The following NTNG2 variants were observed in gnomAD, a reference collection of about 807,000 sequenced individuals.
NTNG2 encodes the protein netrin-G2.
A neutral mutation model predicts 47.6 loss-of-function variants in NTNG2; 15 were observed. That is an observed-to-expected ratio of 0.32 (90% CI 0.21 to 0.49). The LOEUF (loss-of-function observed/expected upper bound fraction) is 0.49, where lower values mean the gene tolerates loss of function less well. NTNG2 is among the 20% of genes least tolerant of loss of function. NTNG2 has a pLI of 0.99. For missense variants in NTNG2, 578 were observed against 764.6 expected (o/e 0.76, Z 2.88); for synonymous variants, 307 against 324.6 (o/e 0.95, Z 0.58).
intron 2 of NTNG2, among the ~76,000 whole-genome samples, chr9:132,196,167 T>G (rs1165458370): frequency 1.3e-5 from 2 of 152,164 alleles, no homozygotes; most frequent in South Asian, 2.1e-4. Flanking sequence ...TGGGTTTTTT[T>G]GTTTGTTTTG....
intron 2 of NTNG2, among the ~76,000 whole-genome samples, chr9:132,189,312 G>C (rs1210103577): frequency 1.3e-5 from 2 of 151,688 alleles, no homozygotes; most frequent in Non-Finnish European, 2.9e-5. Flanking sequence ...TGGCCTCATG[G>C]GAGCTTTCAT....
At chr9:132,207,378 G>A (rs2130799612) in intron 3 of NTNG2, among the ~76,000 whole-genome samples, 1 of 152,276 alleles carries the variant, frequency 6.6e-6, no homozygotes, top group South Asian at 2.1e-4. Flanking sequence ...CTCGCTCCTG[G>A]TGGGGCCGGC....
At chr9:132,228,238 G>A (rs994242133) in intron 4 of NTNG2, among the ~76,000 whole-genome samples, 6 of 152,264 alleles carry the variant, frequency 3.9e-5, no homozygotes, top group African/African-American at 7.2e-5. Context: ...CACGTGCAGA[G>A]GCCATGACAG....
At chr9:132,193,240 C>A (rs73561561) in intron 2 of NTNG2, among the ~76,000 whole-genome samples, 2,049 of 152,278 alleles carry the variant, frequency 0.013, 47 homozygotes, top group African/African-American at 0.047. Context: ...ATATCACTGT[C>A]ATTTTATTAA....
chr9:132,197,116 G>A lies in NTNG2; in HGVS notation c.214-850G>A, dbSNP rs184612750. Among the ~76,000 whole-genome samples, 571 of 152,268 alleles carry A rather than the reference G, an allele frequency of 3.7e-3. 7 individuals carry two copies. Among genetic ancestry groups the A allele is most frequent in the African/African-American group, 0.013 (545 of 41,542 alleles). ...AGGTAAAAAGGCTCAGGGGCCGGGC[G>A]CAGTGGCTCACGTCTGCAATCCCAG... On this transcript the variant is annotated intron_variant, in intron 2 of 7. Coordinates refer to ENST00000393229, the MANE Select transcript of NTNG2 (RefSeq NM_032536.4). This position sits in a 1 kb window ranked among gnomAD's most constrained non-coding sequence, Gnocchi z 4.3.
rs1359522158 is a variant in NTNG2 at position 132,221,678 on chromosome 9, G to A, written c.858-5171G>A. ...CCGAGGAAGACAGGACTGATAGGAG[G>A]GGCTGGCCAGGATGGAGCCTGGGCA... On this transcript the variant is annotated intron_variant, in intron 3 of 7. Coordinates refer to ENST00000393229, the MANE Select transcript of NTNG2 (RefSeq NM_032536.4). The surrounding 1 kb of genome is among the most constrained non-coding windows in gnomAD (Gnocchi z 4.2). Among the ~76,000 whole-genome samples the A allele has an allele frequency of 6.6e-6, 1 of 152,148 alleles. No individual in the cohort carries two copies. The highest frequency in any genetic ancestry group is 1.9e-4 in the East Asian group (1 of 5,186).
Position 132,198,175 on chromosome 9 carries a change from C to T in NTNG2, c.423C>T (p.Phe141=). The change falls in exon 3 of 8, where the codon TTC becomes TTT. Residue 141 remains phenylalanine, a synonymous_variant. Transcript: ENST00000393229. ...VELTDDVVMT[F]EYGRPTVMVL... The stretch of plus-strand genomic sequence containing the variant: ...TGACCGACGACGTGGTGATGACCTT[C>T]GAGTACGGCCGGCCCACGGTCATGG... 6.2e-7 allele frequency: 1 copy of T among 1,613,588 alleles called. No homozygotes were observed. Among genetic ancestry groups the T allele is most frequent in the Non-Finnish European group, 8.5e-7 (1 of 1,180,022 alleles).
At chr9:132,190,232 CAAAAAAAAAAAAAA>C (rs58974463) in intron 2 of NTNG2, among the ~76,000 whole-genome samples, 3 of 69,928 alleles carry the variant, frequency 4.3e-5, no homozygotes, top group Admixed American at 1.8e-4. Flanking sequence ...GACTCCATCT[CAAAAAAAAAAAAAA>C]AAAAAAAAAA....
In NTNG2 at chr9:132,239,071, A is replaced by G. The variant is rs185681661; in HGVS notation, c.1055-33A>G. The G allele has an allele frequency of 1.7e-3, 2,736 of 1,603,024 alleles. 3 individuals carry two copies. Among genetic ancestry groups the G allele is most frequent in the Non-Finnish European group, 2.2e-3 (2,628 of 1,171,084 alleles). On this transcript the variant is annotated intron_variant, in intron 5 of 7. Transcript: ENST00000393229. ...CCTCAGTTTCCCTGAATGCTCGCTG[A>G]CCATTGGTATTTCTCCCACTTGGCC... is the stretch of plus-strand genomic sequence containing the variant.
rs1490027690 is a variant in NTNG2, at chr9:132,166,823, T to G, written c.-9T>G. On this transcript the variant is annotated 5_prime_UTR_variant, in exon 2 of 8. Coordinates refer to ENST00000393229, the MANE Select transcript of NTNG2 (RefSeq NM_032536.4). ...TTCTCTGGGCCGCGCCTCTGCAGAC[T>G]GCGCAGCCATGCTGCATCTGCTGGC... is the stretch of plus-strand genomic sequence containing the variant. 1 of 1,613,092 alleles carries G rather than the reference T, an allele frequency of 6.2e-7. No homozygotes were observed. Among genetic ancestry groups the G allele is most frequent in the Non-Finnish European group, 8.5e-7 (1 of 1,179,510 alleles).
At chr9:132,178,638 C>T (rs1209254657) in intron 2 of NTNG2, among the ~76,000 whole-genome samples, 1 of 151,932 alleles carries the variant, frequency 6.6e-6, no homozygotes, top group Admixed American at 6.6e-5. Context: ...CCTGTGAAGA[C>T]AATATAAAAC....
Position 132,166,816 on chromosome 9 carries a change from T to A in NTNG2, c.-16T>A. The A allele has an allele frequency of 1.2e-6, 2 of 1,612,922 alleles. No individual in the cohort carries two copies. Among genetic ancestry groups the A allele is most frequent in the Non-Finnish European group, 1.7e-6 (2 of 1,179,576 alleles). ...CCAGGGCTTCTCTGGGCCGCGCCTCTGCAGACTGCGCAGCCATGCTGCATC... is the reference window on the plus strand; with the variant it reads ...CCAGGGCTTCTCTGGGCCGCGCCTCAGCAGACTGCGCAGCCATGCTGCATC... On this transcript the variant is annotated 5_prime_UTR_variant, in exon 2 of 8. Coordinates refer to ENST00000393229, the MANE Select transcript of NTNG2 (RefSeq NM_032536.4).
At chr9:132,235,324 C>T (rs1278752015) in intron 5 of NTNG2, among the ~76,000 whole-genome samples, 1 of 152,234 alleles carries the variant, frequency 6.6e-6, no homozygotes, top group East Asian at 1.9e-4. Context: ...CCTGGTCTAG[C>T]TCTGTCCTTC....
At chr9:132,164,759 C>T (rs896313728) in intron 1 of NTNG2, among the ~76,000 whole-genome samples, 1 of 152,208 alleles carries the variant, frequency 6.6e-6, no homozygotes, top group African/African-American at 2.4e-5. Context: ...GCTGGGTTCT[C>T]GTTCATCTCC....
intron 2 of NTNG2, among the ~76,000 whole-genome samples, chr9:132,185,308 AGAG>A (rs1165952587): frequency 6.6e-6 from 1 of 152,152 alleles, no homozygotes; most frequent in African/African-American, 2.4e-5. Flanking sequence ...CTCTCAGAGA[AGAG>A]GAGAGGGGGC....
intron 2 of NTNG2, among the ~76,000 whole-genome samples, chr9:132,175,226 C>T (rs1399585843): frequency 6.6e-6 from 1 of 152,188 alleles, no homozygotes; most frequent in African/African-American, 2.4e-5. Flanking sequence ...GTGCATCTGA[C>T]CGGTGAATAT....
chr9:132,207,192 C>T (rs896170695), intron 3 of NTNG2, among the ~76,000 whole-genome samples: 3 of 152,260 alleles, frequency 2.0e-5, no homozygotes, highest in African/African-American at 4.8e-5. Flanking sequence ...TGTTTTTTCT[C>T]AGACCTTGCA....
In NTNG2 at chr9:132,243,556, G is replaced by GTCCACCTATGTT. The variant is rs1842105394; in HGVS notation, c.*1447_*1458dup. 1 of 152,414 alleles carries GTCCACCTATGTT rather than the reference G, an allele frequency of 6.6e-6. No homozygotes were observed. Among genetic ancestry groups the GTCCACCTATGTT allele is most frequent in the East Asian group, 1.9e-4 (1 of 5,204 alleles). 9.4% of individuals were successfully genotyped at this position (152,414 alleles called of 1,614,324 possible). ...CACTTCCCCCTCGGTCCAGCCTCCTGTCCACCTATGTTTATTTCAGAGCAG... is the reference window on the plus strand; with the variant it reads ...CACTTCCCCCTCGGTCCAGCCTCCTGTCCACCTATGTTTCCACCTATGTTTATTTCAGAGCAG... On this transcript the variant is annotated 3_prime_UTR_variant, in exon 8 of 8. Coordinates refer to ENST00000393229, the MANE Select transcript of NTNG2 (RefSeq NM_032536.4).
intron 2 of NTNG2, among the ~76,000 whole-genome samples, chr9:132,178,879 C>T (rs141571841): frequency 0.011 from 1,650 of 149,222 alleles, 27 homozygotes; most frequent in African/African-American, 0.037. Flanking sequence ...TTTCTTGAAC[C>T]TGGGAGGCGG....
Sources: allele counts gnomAD v4.1 joint callset (sites outside exome capture counted in the v4.1 genomes callset), GRCh38; gene constraint gnomAD v4.1.1; non-coding constraint Gnocchi (gnomAD v3.1); transcripts MANE v1.5; gene names NCBI Gene and HGNC (gene_info 2026-07-23, HGNC 2026-07-21).